The following SAMMSON variants were observed in gnomAD, a reference collection of about 807,000 sequenced individuals.
SAMMSON encodes long intergenic non-protein coding RNA 1212.
Position 70,037,833 on chromosome 3 carries a change from T to G in SAMMSON, n.417+24161T>G, listed in dbSNP as rs114179232. 6.1e-3 allele frequency among the ~76,000 whole-genome samples: 933 copies of G among 152,310 alleles called. 8 individuals are homozygous for G. Among genetic ancestry groups the G allele is most frequent in the African/African-American group, 0.02 (831 of 41,568 alleles). On this transcript the variant is annotated intron_variant and non_coding_transcript_variant, in intron 3 of 9. Transcript: ENST00000642114. ...AATTGACCTAAGGTGACATGAAAAC[T>G]ATTTTTAAATCTTACGTGGAGAGAG...
At chr3:70,362,941 G>A (rs1246611101) in intron 9 of SAMMSON, among the ~76,000 whole-genome samples, 2 of 151,712 alleles carry the variant, frequency 1.3e-5, no homozygotes, top group African/African-American at 2.4e-5. Flanking sequence ...GACAGCATGG[G>A]GTCTGCGATA....
intron 4 of SAMMSON, among the ~76,000 whole-genome samples, chr3:70,173,488 T>C (rs1700978977): frequency 6.6e-6 from 1 of 151,958 alleles, no homozygotes; most frequent in South Asian, 2.1e-4. Flanking sequence ...AGCAAATATA[T>C]GGTATACGTT....
At chr3:70,350,930 G>T (rs1702790092) in intron 7 of SAMMSON, among the ~76,000 whole-genome samples, 1 of 152,090 alleles carries the variant, frequency 6.6e-6, no homozygotes, top group Non-Finnish European at 1.5e-5. Context: ...CTTCAGACAA[G>T]GGGAATAGTC....
At chr3:70,017,133 G>A (rs548671508) in intron 3 of SAMMSON, among the ~76,000 whole-genome samples, 101 of 152,196 alleles carry the variant, frequency 6.6e-4, no homozygotes, top group African/African-American at 2.1e-3. Flanking sequence ...GAAAGTCATC[G>A]GTAGCTTGAT....
At chr3:70,278,234 G>C (rs1702047084) in intron 6 of SAMMSON, among the ~76,000 whole-genome samples, 1 of 152,130 alleles carries the variant, frequency 6.6e-6, no homozygotes. Flanking sequence ...TTGTCTGAAA[G>C]ATTCATTTAC....
At chr3:70,098,365 C>G (rs564476648) in intron 4 of SAMMSON, among the ~76,000 whole-genome samples, 2 of 152,054 alleles carry the variant, frequency 1.3e-5, no homozygotes, top group East Asian at 3.9e-4. Flanking sequence ...CTCTCTTTTT[C>G]TTTTTTCTTT....
rs1191948335 is a variant in SAMMSON at position 70,242,379 on chromosome 3, A to G, written n.508-6728A>G. On this transcript the variant is annotated intron_variant and non_coding_transcript_variant, in intron 4 of 9. Transcript: ENST00000642114. ...TTGTCAGTTTTTAAACTTTTTTCCC[A>G]TTTGTGGAAAATTTCTTTTTGTAGA... is the stretch of plus-strand genomic sequence containing the variant. Among the ~76,000 whole-genome samples, 4 of 152,104 alleles carry G rather than the reference A, an allele frequency of 2.6e-5. No individual in the cohort carries two copies. In the East Asian group the frequency reaches 7.7e-4, roughly 29 times the overall value.
Position 70,005,298 on chromosome 3 carries a change from A to G in SAMMSON, n.22+5431A>G, listed in dbSNP as rs373503316. ...CTTAAAAAGATAATAATTTATTATTATTCACAGTACTTACATTAGGAATGC... is the reference window on the plus strand; with the variant it reads ...CTTAAAAAGATAATAATTTATTATTGTTCACAGTACTTACATTAGGAATGC... On this transcript the variant is annotated intron_variant and non_coding_transcript_variant, in intron 1 of 9. Transcript: ENST00000642114. Among the ~76,000 whole-genome samples, 19 of 145,714 alleles carry G rather than the reference A, an allele frequency of 1.3e-4. No homozygotes were observed. In the South Asian group the frequency reaches 4.4e-3, roughly 34 times the overall value.
intron 6 of SAMMSON, among the ~76,000 whole-genome samples, chr3:70,256,055 C>G (rs1450877596): frequency 6.6e-6 from 1 of 152,108 alleles, no homozygotes; most frequent in East Asian, 1.9e-4. Flanking sequence ...TTTTTTGATA[C>G]ACATAGTAAC....
intron 7 of SAMMSON, among the ~76,000 whole-genome samples, chr3:70,353,561 A>T (rs919144710): frequency 6.6e-6 from 1 of 152,174 alleles, no homozygotes; most frequent in Non-Finnish European, 1.5e-5. Context: ...AATAAAAAAA[A>T]TAGTGACAAC....
At chr3:70,113,856 GTCTC>G (rs138262432) in intron 4 of SAMMSON, among the ~76,000 whole-genome samples, 9 of 151,942 alleles carry the variant, frequency 5.9e-5, no homozygotes, top group South Asian at 2.1e-4. Flanking sequence ...GACCAGGACT[GTCTC>G]TCTCTCTCAG....
intron 7 of SAMMSON, among the ~76,000 whole-genome samples, chr3:70,299,172 T>G (rs535040204): frequency 1.3e-5 from 2 of 152,268 alleles, no homozygotes; most frequent in African/African-American, 4.8e-5. Context: ...TTTTGTTACT[T>G]CATAGAATAC....
At chr3:70,268,646 A>G (rs535392894) in intron 6 of SAMMSON, among the ~76,000 whole-genome samples, 23 of 152,278 alleles carry the variant, frequency 1.5e-4, no homozygotes, top group African/African-American at 5.5e-4. Flanking sequence ...TTTCTTTGTC[A>G]AACCATTAAA....
chr3:70,122,303 C>G (rs2067437823), intron 4 of SAMMSON, among the ~76,000 whole-genome samples: 1 of 152,138 alleles, frequency 6.6e-6, no homozygotes, highest in South Asian at 2.1e-4. Flanking sequence ...AGCAATCCTC[C>G]TACCTCAGCC....
chr3:70,123,922 C>T (rs2067445204), intron 4 of SAMMSON, among the ~76,000 whole-genome samples: 1 of 152,184 alleles, frequency 6.6e-6, no homozygotes, highest in African/African-American at 2.4e-5. Flanking sequence ...GATAAATGAG[C>T]ACCCAGCACA....
intron 3 of SAMMSON, among the ~76,000 whole-genome samples, chr3:70,051,860 G>A (rs991188037): frequency 7.2e-5 from 11 of 152,086 alleles, no homozygotes; most frequent in Non-Finnish European, 1.2e-4. Context: ...CACTTTGGAA[G>A]GCTAAGGCAG....
chr3:70,234,433 G>A (rs929900894), intron 4 of SAMMSON, among the ~76,000 whole-genome samples: 2 of 151,976 alleles, frequency 1.3e-5, no homozygotes, highest in African/African-American at 4.8e-5. Flanking sequence ...TGGATTTCTT[G>A]AGCCCAGGAG....
chr3:70,182,942 C>T (rs1188139355), intron 4 of SAMMSON, among the ~76,000 whole-genome samples: 1 of 151,588 alleles, frequency 6.6e-6, no homozygotes. Context: ...ATGATGCAAA[C>T]GAAAAAGACT....
intron 3 of SAMMSON, among the ~76,000 whole-genome samples, chr3:70,056,380 C>G (rs1337969375): frequency 6.6e-6 from 1 of 152,014 alleles, no homozygotes; most frequent in Admixed American, 6.6e-5. Context: ...AAGAGGATTT[C>G]AACAACAGAA....
Sources: gnomAD v4.1 joint callset for allele counts (sites outside exome capture counted in the v4.1 genomes callset) on GRCh38, gnomAD v4.1.1 for gene constraint, MANE v1.5 for transcripts, NCBI Gene and HGNC (gene_info 2026-07-23, HGNC 2026-07-21) for gene names.